Variants in EFCAB11 observed in about 807,000 individuals in gnomAD.
EFCAB11 encodes the protein EF-hand calcium-binding domain-containing protein 11.
Under a neutral mutation model 23.0 loss-of-function variants are expected in EFCAB11, and 14 were observed. The ratio of observed to expected loss-of-function variants is 0.61; its 90% confidence interval spans 0.40 to 0.95. The LOEUF (loss-of-function observed/expected upper bound fraction) is 0.95. Among genes scored for constraint, EFCAB11 ranks in the 40% least tolerant of loss-of-function variants. The probability of loss-of-function intolerance (pLI) is 0.00; values close to 1 mark genes in which losing one functional copy is unlikely to be tolerated. For missense variants in EFCAB11, 198 were observed against 195.8 expected (o/e 1.01, Z -0.07); for synonymous variants, 65 against 66.6 (o/e 0.98, Z 0.11).
At chr14:89,867,649 A>G (rs1453011218) in intron 5 of EFCAB11, among the ~76,000 whole-genome samples, 2 of 152,336 alleles carry the variant, frequency 1.3e-5, no homozygotes, top group East Asian at 3.9e-4. Context: ...TTTAATAAGT[A>G]TTTTGTTTTA....
At chr14:89,886,517 C>CA (rs762288481) in intron 5 of EFCAB11, among the ~76,000 whole-genome samples, 214 of 14,880 alleles carry the variant, frequency 0.014, 8 homozygotes, top group Admixed American at 0.097. Context: ...AACTCCGTCT[C>CA]AAAAAAAAAA....
chr14:89,870,251 A>G (rs555568653), intron 5 of EFCAB11, among the ~76,000 whole-genome samples: 1 of 152,334 alleles, frequency 6.6e-6, no homozygotes, highest in East Asian at 1.9e-4. Context: ...GATTAGGAAA[A>G]TACCAGAGCA....
In EFCAB11 at chr14:89,814,704, C is replaced by CAA. The variant is rs374346075; in HGVS notation, c.411-17382_411-17381dup. 6.0e-3 allele frequency among the ~76,000 whole-genome samples: 825 copies of CAA among 138,262 alleles called. 5 individuals are homozygous for CAA. Among genetic ancestry groups the CAA allele is most frequent in the African/African-American group, 0.02 (759 of 37,788 alleles). The allele number at this position is 138,262 out of a possible 152,430, so 90.7% of individuals were successfully genotyped here. A position where few individuals can be genotyped will look rare whatever the true frequency, so the allele number is the denominator to read the frequency against. Reference sequence around the variant, plus strand: ...GGGCAACAAGAGCGAAACTCCCTTTCAAAAAAAAAAAAATCACCCAGCCCC... The same window carrying CAA: ...GGGCAACAAGAGCGAAACTCCCTTTCAAAAAAAAAAAAAAATCACCCAGCCCC... On this transcript the variant is annotated intron_variant, in intron 5 of 5. Transcript: ENST00000316738.
intron 3 of EFCAB11, among the ~76,000 whole-genome samples, chr14:89,946,329 G>C (rs1890983312): frequency 6.6e-6 from 1 of 152,038 alleles, no homozygotes; most frequent in South Asian, 2.1e-4. Context: ...CATACTTTTG[G>C]TTAGTGTTCA....
At chr14:89,799,085 C>T (rs1294245353) in intron 5 of EFCAB11, 5 of 152,082 alleles carry the variant, frequency 3.3e-5, no homozygotes, top group Non-Finnish European at 5.9e-5. Flanking sequence ...CATTGTACCC[C>T]GCCTGTTATT....
chr14:89,871,681 A>C (rs1364435518), intron 5 of EFCAB11, among the ~76,000 whole-genome samples: 1 of 152,102 alleles, frequency 6.6e-6, no homozygotes, highest in Non-Finnish European at 1.5e-5. Flanking sequence ...TCTATTACCC[A>C]GTAATTTATA....
chr14:89,951,768 GA>G (rs1361724218), intron 2 of EFCAB11, among the ~76,000 whole-genome samples: 1 of 148,766 alleles, frequency 6.7e-6, no homozygotes, highest in African/African-American at 2.5e-5. Context: ...AAAAAAAAAA[GA>G]AAAAAAAGAA....
chr14:89,837,043 G>C, intron 5 of EFCAB11: 1 of 456,438 alleles, frequency 2.2e-6, no homozygotes, highest in Non-Finnish European at 4.4e-6. Context: ...CAGGTGAGGG[G>C]TGTGCCTGAA....
intron 5 of EFCAB11, among the ~76,000 whole-genome samples, chr14:89,817,862 A>G (rs978510751): frequency 6.6e-6 from 1 of 151,888 alleles, no homozygotes; most frequent in Non-Finnish European, 1.5e-5. Context: ...GGTGTTGTGG[A>G]AGGTGCCTGG....
intron 5 of EFCAB11, among the ~76,000 whole-genome samples, chr14:89,813,847 G>C (rs1172563635): frequency 2.6e-5 from 4 of 152,148 alleles, no homozygotes; most frequent in African/African-American, 9.7e-5. Context: ...TATAAGAAAG[G>C]AATGAAAGAA....
At chr14:89,881,596 C>T (rs1888605372) in intron 5 of EFCAB11, among the ~76,000 whole-genome samples, 1 of 150,702 alleles carries the variant, frequency 6.6e-6, no homozygotes, top group South Asian at 2.1e-4. Context: ...TACAGACATT[C>T]ACCACCACAC....
At chr14:89,874,849 G>A (rs908077920) in intron 5 of EFCAB11, among the ~76,000 whole-genome samples, 12 of 151,452 alleles carry the variant, frequency 7.9e-5, no homozygotes, top group African/African-American at 2.4e-4. Context: ...CCAAGATTGC[G>A]CCACTGCACT....
chr14:89,866,753 C>G (rs1888104941), intron 5 of EFCAB11, among the ~76,000 whole-genome samples: 1 of 152,170 alleles, frequency 6.6e-6, no homozygotes, highest in Non-Finnish European at 1.5e-5. Flanking sequence ...TCTATGACAG[C>G]AGGTAGAGAA....
chr14:89,837,038 G>A (rs114827258), intron 5 of EFCAB11: 58 of 456,220 alleles, frequency 1.3e-4, no homozygotes, highest in Non-Finnish European at 1.6e-4. Flanking sequence ...CTGCACAGGT[G>A]AGGGGTGTGC....
chr14:89,906,476 A>C (rs1320944827), intron 5 of EFCAB11, among the ~76,000 whole-genome samples: 1 of 152,162 alleles, frequency 6.6e-6, no homozygotes, highest in Non-Finnish European at 1.5e-5. Context: ...ACTGCAACTC[A>C]TTGAAACTAG....
chr14:89,863,654 CCCCA>C (rs1887998444), intron 5 of EFCAB11, among the ~76,000 whole-genome samples: 2 of 152,250 alleles, frequency 1.3e-5, no homozygotes. Flanking sequence ...TTCTCCGTAT[CCCCA>C]GCAATGGGGA....
In EFCAB11 at chr14:89,922,440, A is replaced by G. The variant is rs146340364; in HGVS notation, c.410+9101T>C. Among the ~76,000 whole-genome samples the G allele has an allele frequency of 1.2e-3, 180 of 152,356 alleles. 1 individual carries two copies. In the Middle Eastern group the frequency reaches 0.014, roughly 12 times the overall value. ...GAGCTGGAGAAGCCTGCCAGATTGT[A>G]TAACACAACACCCTTTTTTCTCAGA... On this transcript the variant is annotated intron_variant, in intron 5 of 5. Coordinates refer to ENST00000316738, the MANE Select transcript of EFCAB11 (RefSeq NM_145231.4).
intron 5 of EFCAB11, among the ~76,000 whole-genome samples, chr14:89,843,768 T>C (rs1279375043): frequency 6.6e-6 from 1 of 152,252 alleles, no homozygotes; most frequent in Non-Finnish European, 1.5e-5. Flanking sequence ...AAAATGTTTA[T>C]TCACTGACTT....
At chr14:89,893,514 C>T (rs558407765) in intron 5 of EFCAB11, among the ~76,000 whole-genome samples, 16 of 152,242 alleles carry the variant, frequency 1.1e-4, no homozygotes, top group South Asian at 4.1e-4. Flanking sequence ...GCTTGCCCCA[C>T]TCTCTGGGAA....
Sources: allele counts gnomAD v4.1 joint callset (sites outside exome capture counted in the v4.1 genomes callset), GRCh38; gene constraint gnomAD v4.1.1; transcripts MANE v1.5; gene names NCBI Gene and HGNC (gene_info 2026-07-23, HGNC 2026-07-21).